SLCO1C1: variants seen among roughly 807,000 people sequenced by gnomAD.
The protein encoded by SLCO1C1 is OAT-RP-5.
A neutral mutation model predicts 76.4 loss-of-function variants in SLCO1C1; 70 were observed. The ratio of observed to expected loss-of-function variants is 0.92; its 90% CI spans 0.76 to 1.12. The LOEUF (loss-of-function observed/expected upper bound fraction) is 1.12, where lower values mean the gene tolerates loss of function less well. Ranked by LOEUF, SLCO1C1 falls within the 50% of genes most tolerant of loss-of-function variation. The probability of loss-of-function intolerance (pLI) is 0.00; values close to 1 mark genes in which losing one functional copy is unlikely to be tolerated. For synonymous variants in SLCO1C1, 306 were observed against 286.1 expected (o/e 1.07, Z -0.70); for missense variants, 912 against 823.8 (o/e 1.11, Z -1.31).
intron 13 of SLCO1C1, among the ~76,000 whole-genome samples, chr12:20,745,506 A>G (rs1949004213): frequency 6.6e-6 from 1 of 152,136 alleles, no homozygotes; most frequent in African/African-American, 2.4e-5. Flanking sequence ...TTAGTAAAAT[A>G]GAAAAGTGAT....
At chr12:20,696,684 C>T (rs1306704872) in intron 1 of SLCO1C1, 1 of 152,082 alleles carries the variant, frequency 6.6e-6, no homozygotes, top group Admixed American at 6.6e-5. Context: ...GGCCAGAGAT[C>T]AATTAAGGAT....
chr12:20,715,664 C>CCA (rs147752978), intron 6 of SLCO1C1, among the ~76,000 whole-genome samples: 2,570 of 151,834 alleles, frequency 0.017, 37 homozygotes, highest in Admixed American at 0.041. Context: ...CCCTAGCTTT[C>CCA]CATTTGATAA....
intron 1 of SLCO1C1, 70 bp from the exon 2 acceptor site, chr12:20,699,482 T>C: frequency 7.8e-7 from 1 of 1,284,242 alleles, no homozygotes; most frequent in South Asian, 1.7e-5. Flanking sequence ...TGTGGTATAC[T>C]GTTGAATAAA....
chr12:20,747,040 T>C (rs1949078821), intron 13 of SLCO1C1, among the ~76,000 whole-genome samples: 1 of 152,232 alleles, frequency 6.6e-6, no homozygotes, highest in Admixed American at 6.5e-5. Context: ...ATAGCGGTCA[T>C]GTTTTTAAAA....
In SLCO1C1 at chr12:20,711,438, C is replaced by T. The variant is rs1259870845; in HGVS notation, c.457C>T (p.Pro153Ser). The change falls in exon 5 of 15, where the codon CCG (proline) becomes TCG (serine). Residue 153 changes from proline (P) to serine (S), a missense_variant. Transcript: ENST00000266509. The stretch of plus-strand genomic sequence containing the variant: ...CTCCAATTCCACTCTCAGCATCTCT[C>T]CGTGTCTCCTAGAGTCAAGCAGTCA... The part of the protein sequence containing the change: ...PSSNSTLSIS[P>S]CLLESSSQLP... 44 of 1,613,762 alleles carry T rather than the reference C, an allele frequency of 2.7e-5. No individual in the cohort carries two copies. Among genetic ancestry groups the T allele is most frequent in the Non-Finnish European group, 3.6e-5 (43 of 1,179,846 alleles).
chr12:20,713,083 C>CTTTTTT (rs71039973), intron 5 of SLCO1C1, among the ~76,000 whole-genome samples: 3 of 142,592 alleles, frequency 2.1e-5, no homozygotes, highest in African/African-American at 7.8e-5. Flanking sequence ...AAGATGTTTT[C>CTTTTTT]TTTTTTTTTT....
At chr12:20,704,398 T>C (rs191666082) in intron 3 of SLCO1C1, among the ~76,000 whole-genome samples, 4 of 151,796 alleles carry the variant, frequency 2.6e-5, no homozygotes, top group Non-Finnish European at 5.9e-5. Context: ...ACCTATAAAG[T>C]GAATGTCAAC....
chr12:20,752,522 A>C lies in SLCO1C1; in HGVS notation c.2133A>C (p.Gln711His). ...ACTACTGGCCAGGCAAGGAAACTCA[A>C]CTTTAGAAACATGATGACTGGAAGT... ...QPNYWPGKET[Q>H]L is the part of the protein sequence containing the mutation. Residue 711 changes from glutamine (Q) to histidine (H), a missense_variant, in exon 15 of 15, where the codon CAA becomes CAC. By Grantham distance (24) the Gln-to-His change is conservative (BLOSUM62 0). Coordinates refer to ENST00000266509, the MANE Select transcript of SLCO1C1 (RefSeq NM_017435.5). 1 of 1,577,124 alleles carries C rather than the reference A, an allele frequency of 6.3e-7. No individual in the cohort carries two copies. Among genetic ancestry groups the C allele is most frequent in the Non-Finnish European group, 8.6e-7 (1 of 1,161,342 alleles).
chr12:20,713,908 A>C (rs1797782163), intron 5 of SLCO1C1, among the ~76,000 whole-genome samples: 1 of 152,256 alleles, frequency 6.6e-6, no homozygotes, highest in Non-Finnish European at 1.5e-5. Context: ...CTCTACAAGA[A>C]GACTCGCCTA....
At chr12:20,723,364 T>G (rs1947778556) in intron 9 of SLCO1C1, 110 bp downstream of exon 9, 1 of 1,296,508 alleles carries the variant, frequency 7.7e-7, no homozygotes, top group South Asian at 1.4e-5. Context: ...TTTATGACAT[T>G]TTAGATGAGC....
At chr12:20,733,220 T>G (rs1948379433) in intron 10 of SLCO1C1, 116 bp downstream of exon 10, 1 of 961,648 alleles carries the variant, frequency 1.0e-6, no homozygotes, top group Non-Finnish European at 1.5e-6. Flanking sequence ...GTAAGCAACT[T>G]AGTATTTTAT....
chr12:20,731,444 T>G (rs573269380), intron 9 of SLCO1C1, among the ~76,000 whole-genome samples: 1 of 152,350 alleles, frequency 6.6e-6, no homozygotes, highest in South Asian at 2.1e-4. Context: ...TCACTAGATG[T>G]CAGTGTTTTC....
intron 9 of SLCO1C1, among the ~76,000 whole-genome samples, chr12:20,727,654 C>A (rs947851909): frequency 6.6e-6 from 1 of 152,248 alleles, no homozygotes; most frequent in East Asian, 1.9e-4. Context: ...GGACTACAGG[C>A]GCCCGCCACC....
intron 11 of SLCO1C1, 81 bp from the exon 12 acceptor site, chr12:20,740,103 G>A (rs961729258): frequency 1.3e-5 from 17 of 1,331,298 alleles, no homozygotes; most frequent in Admixed American, 9.0e-5. Flanking sequence ...GCATGGCTAC[G>A]GTAAACATTT....
In SLCO1C1 at chr12:20,717,904, G is replaced by A. The variant is rs565411314; in HGVS notation, c.775+674G>A. ...TTTTTTAAAGAATTCCAAGAGATCC[G>A]TTATAAACTAAACAAGCGTCACTTA... On this transcript the variant is annotated intron_variant, in intron 7 of 14. Transcript: ENST00000266509. 8.6e-5 allele frequency among the ~76,000 whole-genome samples: 13 copies of A among 151,696 alleles called. No individual in the cohort carries two copies. In the East Asian group the frequency reaches 2.1e-3, roughly 25 times the overall value.
At chr12:20,713,626 G>C (rs927800496) in intron 5 of SLCO1C1, among the ~76,000 whole-genome samples, 3 of 152,038 alleles carry the variant, frequency 2.0e-5, no homozygotes, top group African/African-American at 7.2e-5. Context: ...AGCTGATAAG[G>C]ATCTTCTCAA....
chr12:20,716,756 G>C (rs917175388), intron 6 of SLCO1C1, among the ~76,000 whole-genome samples: 1 of 152,120 alleles, frequency 6.6e-6, no homozygotes, highest in African/African-American at 2.4e-5. Flanking sequence ...GTCAAAACAA[G>C]TCTTATGCTT....
intron 9 of SLCO1C1, among the ~76,000 whole-genome samples, chr12:20,727,811 G>A (rs1281637720): frequency 6.6e-6 from 1 of 152,044 alleles, no homozygotes; most frequent in Non-Finnish European, 1.5e-5. Context: ...GCCCGGCCAC[G>A]TGTTTTCTTT....
chr12:20,744,142 GAAAC>G (rs1948938032), intron 13 of SLCO1C1, among the ~76,000 whole-genome samples: 1 of 151,860 alleles, frequency 6.6e-6, no homozygotes, highest in Non-Finnish European at 1.5e-5. Flanking sequence ...CATTGAAAAA[GAAAC>G]AAAAATAGGG....
Sources: allele counts gnomAD v4.1 joint callset (sites outside exome capture counted in the v4.1 genomes callset), GRCh38; gene constraint gnomAD v4.1.1; transcripts MANE v1.5; gene names NCBI Gene and HGNC (gene_info 2026-07-23, HGNC 2026-07-21).